Variants in TULP4 observed in about 807,000 individuals in gnomAD.
TULP4 encodes the protein TUB like protein 4, also known as tubby-related protein 4.
Under a neutral mutation model 129.0 loss-of-function variants are expected in TULP4, and 16 were observed. The observed-to-expected ratio is 0.12, with a 90% CI of 0.08 to 0.19. The LOEUF (loss-of-function observed/expected upper bound fraction) is 0.19, where lower values mean the gene tolerates loss of function less well. TULP4 is among the 10% of genes least tolerant of loss of function. The probability of loss-of-function intolerance (pLI) is 1.00; values close to 1 mark genes in which losing one functional copy is unlikely to be tolerated. For missense variants in TULP4, 1,842 were observed against 2,059.1 expected (o/e 0.89, Z 2.04); for synonymous variants, 998 against 854.0 (o/e 1.17, Z -2.94).
intron 1 of TULP4, among the ~76,000 whole-genome samples, chr6:158,338,688 A>G (rs1583766504): frequency 6.6e-6 from 1 of 152,198 alleles, no homozygotes; most frequent in Non-Finnish European, 1.5e-5. Flanking sequence ...AGCAGGTTGG[A>G]AGGTAAACTT....
At chr6:158,372,693 C>G (rs1777098742) in intron 1 of TULP4, among the ~76,000 whole-genome samples, 2 of 152,108 alleles carry the variant, frequency 1.3e-5, no homozygotes, top group Admixed American at 1.3e-4. Context: ...GTTTCTAATG[C>G]ACTGGAGCTC....
At chr6:158,376,450 C>CG (rs548630393) in intron 1 of TULP4, among the ~76,000 whole-genome samples, 445 of 152,202 alleles carry the variant, frequency 2.9e-3, no homozygotes, top group Non-Finnish European at 4.5e-3. Context: ...GGCATATGTC[C>CG]GGGGGGAGAG....
intron 1 of TULP4, among the ~76,000 whole-genome samples, chr6:158,327,629 A>G (rs1407279829): frequency 6.6e-6 from 1 of 151,596 alleles, no homozygotes; most frequent in African/African-American, 2.4e-5. Context: ...TGGGCACTAT[A>G]TTTTCTCATA....
At chr6:158,378,393 T>C (rs981954689) in intron 1 of TULP4, among the ~76,000 whole-genome samples, 2 of 149,686 alleles carry the variant, frequency 1.3e-5, no homozygotes, top group Admixed American at 6.8e-5. Flanking sequence ...AAAGAATAAT[T>C]TTAGGGTTTC....
intron 1 of TULP4, among the ~76,000 whole-genome samples, chr6:158,332,187 AAAAAAAAAAAAAAATATATATATATAT>A (rs1779917729): frequency 9.2e-5 from 2 of 21,666 alleles, no homozygotes; most frequent in Non-Finnish European, 1.5e-4. Context: ...AAAAAAAAAA[AAAAAAAAAAAAAAATATATATATATAT>A]ATATATATAT....
intron 1 of TULP4, among the ~76,000 whole-genome samples, chr6:158,260,994 G>A (rs1778342949): frequency 6.7e-6 from 1 of 150,050 alleles, no homozygotes; most frequent in African/African-American, 2.5e-5. Context: ...CTAATTTTTT[G>A]TATTTTTAGT....
At chr6:158,241,424 G>C (rs1279529853) in intron 1 of TULP4, among the ~76,000 whole-genome samples, 2 of 147,488 alleles carry the variant, frequency 1.4e-5, no homozygotes, top group Non-Finnish European at 3.0e-5. Context: ...AGTGAGCTGA[G>C]ATCACGCCAC....
At chr6:158,424,681 T>A (rs1336355513) in intron 2 of TULP4, among the ~76,000 whole-genome samples, 1 of 152,200 alleles carries the variant, frequency 6.6e-6, no homozygotes, top group Non-Finnish European at 1.5e-5. Flanking sequence ...TCAATACAAA[T>A]GTAATTTTTT....
At chr6:158,307,790 T>C (rs1466936268), upstream of TULP4, among the ~76,000 whole-genome samples, 1 of 152,138 alleles carries the variant, frequency 6.6e-6, no homozygotes, top group Non-Finnish European at 1.5e-5. Flanking sequence ...ATTTCTATCA[T>C]CTTTGTTGGT....
chr6:158,488,525 A>C (rs1780119994), intron 8 of TULP4, among the ~76,000 whole-genome samples: 1 of 152,162 alleles, frequency 6.6e-6, no homozygotes, highest in South Asian at 2.1e-4. Flanking sequence ...TTTCTGCCTC[A>C]GAGGGGCCCC....
intron 1 of TULP4, among the ~76,000 whole-genome samples, chr6:158,388,522 G>C (rs972860052): frequency 6.6e-6 from 1 of 151,040 alleles, no homozygotes; most frequent in East Asian, 1.9e-4. Context: ...GTAGAGATGG[G>C]GTTTCACCGT....
intron 11 of TULP4, among the ~76,000 whole-genome samples, chr6:158,497,673 A>G (rs948811873): frequency 3.9e-5 from 6 of 152,256 alleles, no homozygotes; most frequent in African/African-American, 1.2e-4. Flanking sequence ...ACCAAAATTC[A>G]TATTATCTTT....
intron 3 of TULP4, among the ~76,000 whole-genome samples, chr6:158,438,731 C>T (rs993873443): frequency 1.1e-4 from 16 of 151,964 alleles, no homozygotes; most frequent in Admixed American, 7.9e-4. Context: ...ATTACAGGCA[C>T]GCACCACCAT....
In TULP4 at chr6:158,413,217, C is replaced by T. The variant is rs1583848921; in HGVS notation, c.381+24C>T. Reference sequence around the variant, plus strand: ...AGGTGAGTGGCAGGCGCAGCTCTGCCAGTGAAGGGCTGCGGGGTAGAGGAC... The same window carrying T: ...AGGTGAGTGGCAGGCGCAGCTCTGCTAGTGAAGGGCTGCGGGGTAGAGGAC... On this transcript the variant is annotated intron_variant, in intron 2 of 13. Transcript: ENST00000367097. This position sits in a 1 kb window ranked among gnomAD's most constrained non-coding sequence, Gnocchi z 4.9. 7.5e-6 allele frequency: 12 copies of T among 1,599,834 alleles called. No individual in the cohort carries two copies. Among genetic ancestry groups the T allele is most frequent in the Non-Finnish European group, 9.4e-6 (11 of 1,170,096 alleles).
chr6:158,432,914 C>T (rs1778662931), intron 3 of TULP4, among the ~76,000 whole-genome samples: 1 of 152,192 alleles, frequency 6.6e-6, no homozygotes, highest in Non-Finnish European at 1.5e-5. Flanking sequence ...GCACATCACC[C>T]TTATATATTT....
intron 2 of TULP4, among the ~76,000 whole-genome samples, chr6:158,421,858 A>T (rs1268078130): frequency 6.6e-6 from 1 of 152,230 alleles, no homozygotes; most frequent in East Asian, 1.9e-4. Context: ...AACCTATGTG[A>T]TGAGAGTTTA....
intron 1 of TULP4, among the ~76,000 whole-genome samples, chr6:158,286,562 CTT>C (rs1778839214): frequency 6.6e-6 from 1 of 152,098 alleles, no homozygotes; most frequent in Non-Finnish European, 1.5e-5. Context: ...GTGAAAAGAT[CTT>C]GTCTTACTGG....
Position 158,502,935 on chromosome 6 carries a change from A to T in TULP4, c.3272A>T (p.Asp1091Val). Residue 1091 changes from aspartate (D) to valine (V), a missense_variant, in exon 13 of 14, where the codon GAC becomes GTC. Asp to Val is a radical substitution (Grantham distance 152). Around this residue, in one of 5 missense-constraint regions of TULP4, gnomAD observed 1,089 missense variants for 987.1 expected, o/e 1.10. Coordinates refer to ENST00000367097, the MANE Select transcript of TULP4 (RefSeq NM_020245.5). ...TDYVNSAFTE[D>V]EALSQHCQLE... Reference sequence around the variant, plus strand: ...TACGTCAACTCGGCCTTCACGGAGGACGAGGCCCTGTCCCAGCACTGTCAG... The same window carrying T: ...TACGTCAACTCGGCCTTCACGGAGGTCGAGGCCCTGTCCCAGCACTGTCAG... The T allele has an allele frequency of 6.2e-7, 1 of 1,613,964 alleles. No individual in the cohort carries two copies. The highest frequency in any genetic ancestry group is 8.5e-7 in the Non-Finnish European group (1 of 1,179,978).
At chr6:158,296,832 A>G (rs1035707011) in intron 1 of TULP4, among the ~76,000 whole-genome samples, 10 of 152,178 alleles carry the variant, frequency 6.6e-5, no homozygotes, top group African/African-American at 2.4e-4. Context: ...GTGTATGAAC[A>G]GGGAAAAGAT....
Sources: allele counts gnomAD v4.1 joint callset (sites outside exome capture counted in the v4.1 genomes callset), GRCh38; gene constraint gnomAD v4.1.1; regional missense constraint gnomAD v4.1.1; non-coding constraint Gnocchi (gnomAD v3.1); transcripts MANE v1.5; gene names NCBI Gene and HGNC (gene_info 2026-07-23, HGNC 2026-07-21).